Variants in RYR2 observed in about 807,000 individuals in gnomAD.
The protein encoded by RYR2 is ryanodine receptor 2.
RYR2 carries 227 observed loss-of-function variants against 601.1 expected under a neutral mutation model. The observed-to-expected ratio is 0.38, with a 90% CI of 0.34 to 0.42. RYR2 has a LOEUF of 0.42. Among genes scored for constraint, RYR2 ranks in the 10% least tolerant of loss-of-function variants. The pLI, the probability that RYR2 is intolerant of heterozygous loss-of-function variation, is 1.00. For synonymous variants in RYR2, 2,223 were observed against 2,175.1 expected (o/e 1.02, Z -0.61); for missense variants, 4,646 against 6,156.5 (o/e 0.75, Z 8.21).
Position 237,758,557 on chromosome 1 carries a change from GTA to G in RYR2, c.11325+793_11325+794del, listed in dbSNP as rs146166532. 8.5e-3 allele frequency among the ~76,000 whole-genome samples: 1,291 copies of G among 151,468 alleles called. 26 individuals are homozygous for G. Among genetic ancestry groups the G allele is most frequent in the East Asian group, 0.058 (302 of 5,166 alleles). Reference sequence around the variant, plus strand: ...ATATTTGCTATTTGTGCATTTGTGCGTATATATATATATGCATATGTGCATAT... The same window carrying G: ...ATATTTGCTATTTGTGCATTTGTGCGTATATATATATGCATATGTGCATAT... On this transcript the variant is annotated intron_variant, in intron 82 of 104. Coordinates refer to ENST00000366574, the MANE Select transcript of RYR2 (RefSeq NM_001035.3).
At chr1:237,169,497 A>C (rs1677107174) in intron 1 of RYR2, among the ~76,000 whole-genome samples, 2 of 150,696 alleles carry the variant, frequency 1.3e-5, no homozygotes, top group Middle Eastern at 3.4e-3. Context: ...ACAGGGTTTC[A>C]CCATATTGGC....
intron 2 of RYR2, among the ~76,000 whole-genome samples, chr1:237,290,552 A>G (rs796855648): frequency 6.6e-6 from 1 of 152,350 alleles, no homozygotes; most frequent in African/African-American, 2.4e-5. Context: ...TAAAGTCCCC[A>G]AAAGCACAAA....
chr1:237,693,889 T>C (rs530914218), intron 63 of RYR2, among the ~76,000 whole-genome samples: 25 of 152,356 alleles, frequency 1.6e-4, no homozygotes, highest in African/African-American at 6.0e-4. Context: ...CTGACGTCTT[T>C]AAATGATGAT....
chr1:237,326,966 G>C (rs981732651), intron 2 of RYR2, among the ~76,000 whole-genome samples: 2 of 152,130 alleles, frequency 1.3e-5, no homozygotes, highest in South Asian at 2.1e-4. Context: ...GGGTATAACT[G>C]TACAAATTTC....
chr1:237,701,522 C>G (rs368010230), intron 65 of RYR2, among the ~76,000 whole-genome samples: 1 of 145,738 alleles, frequency 6.9e-6, no homozygotes, highest in Non-Finnish European at 1.5e-5. Context: ...GAGCAAGACT[C>G]TATCTCAAAA....
intron 1 of RYR2, among the ~76,000 whole-genome samples, chr1:237,204,612 G>A (rs1449998491): frequency 1.3e-5 from 2 of 152,126 alleles, no homozygotes; most frequent in African/African-American, 4.8e-5. Flanking sequence ...TCACGCCTGG[G>A]AAAATGCTCC....
chr1:237,530,550 G>C, intron 25 of RYR2, 40 bp downstream of exon 25: 1 of 1,389,724 alleles, frequency 7.2e-7, no homozygotes, highest in Non-Finnish European at 1.0e-6. Flanking sequence ...AATCTGTGTA[G>C]AGATTTAGTG....
intron 100 of RYR2, among the ~76,000 whole-genome samples, chr1:237,812,645 C>A (rs1574057851): frequency 6.6e-6 from 1 of 152,090 alleles, no homozygotes; most frequent in East Asian, 1.9e-4. Flanking sequence ...AGATCAAGTG[C>A]CTTAATACTT....
chr1:237,222,644 T>C (rs1053624731), intron 1 of RYR2, among the ~76,000 whole-genome samples: 3 of 152,170 alleles, frequency 2.0e-5, no homozygotes, highest in Non-Finnish European at 4.4e-5. Flanking sequence ...TATTTAAGGT[T>C]TTGACGATAC....
intron 1 of RYR2, among the ~76,000 whole-genome samples, chr1:237,214,373 G>T (rs1021356164): frequency 6.6e-6 from 1 of 152,122 alleles, no homozygotes; most frequent in Admixed American, 6.5e-5. Context: ...CTGTACAAGG[G>T]GCATGACACC....
intron 24 of RYR2, among the ~76,000 whole-genome samples, chr1:237,515,783 C>G (rs1666424848): frequency 2.9e-4 from 1 of 3,508 alleles, no homozygotes; most frequent in Non-Finnish European, 5.6e-4. Flanking sequence ...TTCTCCTTCC[C>G]CTACTTCCTC....
intron 1 of RYR2, among the ~76,000 whole-genome samples, chr1:237,157,323 A>T (rs1184619289): frequency 7.9e-6 from 1 of 126,028 alleles, no homozygotes; most frequent in Non-Finnish European, 1.8e-5. Context: ...AAAAAAAAAG[A>T]AAGAAAGAAA....
chr1:237,690,274 T>C (rs1686823413), intron 63 of RYR2, among the ~76,000 whole-genome samples: 1 of 152,200 alleles, frequency 6.6e-6, no homozygotes, highest in African/African-American at 2.4e-5. Context: ...GAAAACCTAG[T>C]TGTAAGTCCT....
chr1:237,360,063 C>T (rs1386350143), intron 4 of RYR2, among the ~76,000 whole-genome samples: 1 of 152,202 alleles, frequency 6.6e-6, no homozygotes, highest in Non-Finnish European at 1.5e-5. Flanking sequence ...ATAATCATTT[C>T]AAATGTTTCT....
At chr1:237,242,207 T>C (rs12033125) in intron 1 of RYR2, among the ~76,000 whole-genome samples, 3 of 9,176 alleles carry the variant, frequency 3.3e-4, no homozygotes, top group African/African-American at 3.7e-4. Context: ...TTTTTGTTTG[T>C]TTGTTTGTTT....
rs768797598 is a variant in RYR2, at chr1:237,718,518, C to A, written c.10551C>A (p.Gly3517=). The change falls in exon 73 of 105, where the codon GGC becomes GGA. Residue 3517 remains glycine, a synonymous_variant. Coordinates refer to ENST00000366574, the MANE Select transcript of RYR2 (RefSeq NM_001035.3). ...TCCGCAGCAATATTCATTTACAAGG[C>A]AAGGTAAGCCAAATTTTATTCTTAA... is the stretch of plus-strand genomic sequence containing the variant. ...DIIRSNIHLQ[G]KLEDPAIRWQ... The A allele has an allele frequency of 1.9e-6, 3 of 1,575,114 alleles. No homozygotes were observed. In the South Asian group the frequency reaches 3.4e-5, roughly 18 times the overall value.
intron 1 of RYR2, among the ~76,000 whole-genome samples, chr1:237,264,699 AT>A (rs71663222): frequency 0.17 from 24,936 of 147,032 alleles, 2,565 homozygotes; most frequent in East Asian, 0.54. Flanking sequence ...TATTATTATT[AT>A]TTTTTTTTTT....
intron 2 of RYR2, among the ~76,000 whole-genome samples, chr1:237,325,785 G>A (rs374345862): frequency 6.6e-6 from 1 of 152,116 alleles, no homozygotes; most frequent in East Asian, 1.9e-4. Context: ...ATTAAATTTG[G>A]AAAGAGAATT....
At chr1:237,453,965 A>G (rs1426400402) in intron 14 of RYR2, among the ~76,000 whole-genome samples, 1 of 152,218 alleles carries the variant, frequency 6.6e-6, no homozygotes, top group Non-Finnish European at 1.5e-5. Context: ...GGAATTAAAC[A>G]GAATGGCAAG....
Sources: allele counts gnomAD v4.1 joint callset (sites outside exome capture counted in the v4.1 genomes callset), GRCh38; gene constraint gnomAD v4.1.1; transcripts MANE v1.5; gene names NCBI Gene and HGNC (gene_info 2026-07-23, HGNC 2026-07-21).